Variants in CRISP1 observed in about 807,000 individuals in gnomAD.
CRISP1 encodes cysteine rich secretory protein 1.
CRISP1 carries 44 observed loss-of-function variants against 33.1 expected under a neutral mutation model. The observed-to-expected ratio is 1.33, with a 90% CI of 1.05 to 1.71. CRISP1 has a LOEUF of 1.71. Among genes scored for constraint, CRISP1 ranks in the 40% most tolerant of loss-of-function variants. CRISP1 has a pLI of 0.00. For synonymous variants in CRISP1, 103 were observed against 98.7 expected, an observed-to-expected ratio of 1.04 and a Z score of -0.26; for missense variants, 390 against 301.2, an observed-to-expected ratio of 1.29 and a Z score of -2.18.
chr6:49,841,145 C>T, intron 5 of CRISP1, 150 bp from the exon 6 acceptor site: 1 of 653,344 alleles, frequency 1.5e-6, no homozygotes, highest in East Asian at 2.7e-5. Context: ...AACAAAAGGA[C>T]TCCCACGTGT....
At position 49,835,194 on chromosome 6, in the gene CRISP1, C is replaced by G. The variant is rs750793598; in HGVS notation, c.*122G>C. 2.8e-6 allele frequency: 3 copies of G among 1,086,672 alleles called. No individual in the cohort carries two copies. Among genetic ancestry groups the G allele is most frequent in the Non-Finnish European group, 3.9e-6 (3 of 760,068 alleles). The allele number at this position is 1,086,672 out of a possible 1,614,324, so 67.3% of individuals were successfully genotyped here. A position where few individuals can be genotyped will look rare whatever the true frequency, so the allele number is the denominator to read the frequency against. Reference sequence around the variant, plus strand: ...GATGTATCAGGATGGGAGTTAAGGTCTCCAGCATGATTAAAATCAGTGAAA... The same window carrying G: ...GATGTATCAGGATGGGAGTTAAGGTGTCCAGCATGATTAAAATCAGTGAAA... On this transcript the variant is annotated 3_prime_UTR_variant, in exon 8 of 8. Transcript: ENST00000335847.
intron 1 of CRISP1, among the ~76,000 whole-genome samples, chr6:49,873,864 G>T (rs1771977554): frequency 6.6e-6 from 1 of 152,014 alleles, no homozygotes; most frequent in African/African-American, 2.4e-5. Flanking sequence ...CAGTGAATCA[G>T]AACCATAAAG....
Position 49,847,329 on chromosome 6 carries a change from G to C in CRISP1, c.287-661C>G, listed in dbSNP as rs760864117. 2.0e-5 allele frequency among the ~76,000 whole-genome samples: 3 copies of C among 152,272 alleles called. No individual in the cohort carries two copies. In the South Asian group the frequency reaches 6.2e-4, roughly 32 times the overall value. On this transcript the variant is annotated intron_variant, in intron 4 of 7. Transcript: ENST00000335847. ...AATCTCATGTTGAGATGTAATCCCC[G>C]TGTTGAAGGTGGGGCCTGACCGGAG...
upstream of CRISP1, among the ~76,000 whole-genome samples, chr6:49,868,406 TATCCC>T (rs1408469490): frequency 6.6e-6 from 1 of 152,176 alleles, no homozygotes; most frequent in Non-Finnish European, 1.5e-5. Context: ...CTAACTGGAT[TATCCC>T]AGAAAAATCT....
intron 2 of CRISP1, among the ~76,000 whole-genome samples, chr6:49,855,413 T>C (rs1314946125): frequency 1.3e-5 from 2 of 152,104 alleles, no homozygotes. Flanking sequence ...ATTCTCAGCC[T>C]CTATTTAGGA....
rs1770729265 is a variant in CRISP1 at position 49,834,814 on chromosome 6, C to T, written c.*502G>A. 6.6e-6 allele frequency: 1 copy of T among 152,290 alleles called. No individual in the cohort carries two copies. Among genetic ancestry groups the T allele is most frequent in the African/African-American group, 2.4e-5 (1 of 41,444 alleles). 9.4% of individuals were successfully genotyped at this position (152,290 alleles called of 1,614,324 possible). Reference sequence around the variant, plus strand: ...ATAAAACAATGAGACATTTAAACTACTTCCAATTAAATGATATTTACCTTG... The same window carrying T: ...ATAAAACAATGAGACATTTAAACTATTTCCAATTAAATGATATTTACCTTG... On this transcript the variant is annotated 3_prime_UTR_variant, in exon 8 of 8. Coordinates refer to ENST00000335847, the MANE Select transcript of CRISP1 (RefSeq NM_001131.3).
At chr6:49,874,402 C>A (rs763821904) in intron 1 of CRISP1, among the ~76,000 whole-genome samples, 1 of 152,000 alleles carries the variant, frequency 6.6e-6, no homozygotes, top group Non-Finnish European at 1.5e-5. Context: ...CAGAGAAGTT[C>A]AAATCATAAC....
chr6:49,853,743 T>C (rs1771417969), intron 2 of CRISP1, among the ~76,000 whole-genome samples: 1 of 152,146 alleles, frequency 6.6e-6, no homozygotes, highest in Admixed American at 6.5e-5. Context: ...CTATCTGTGT[T>C]CTCTACTTTC....
chr6:49,855,218 T>C (rs1450308560), intron 2 of CRISP1, among the ~76,000 whole-genome samples: 1 of 152,160 alleles, frequency 6.6e-6, no homozygotes, highest in Non-Finnish European at 1.5e-5. Context: ...TGCTTTACTA[T>C]GTCTATAGCC....
chr6:49,874,222 A>G (rs182042803), intron 1 of CRISP1, among the ~76,000 whole-genome samples: 2 of 152,212 alleles, frequency 1.3e-5, no homozygotes, highest in Admixed American at 6.6e-5. Context: ...TAGCTATTGA[A>G]TAGTAAATAT....
intron 5 of CRISP1, among the ~76,000 whole-genome samples, chr6:49,843,728 G>A (rs1370458319): frequency 6.6e-6 from 1 of 152,140 alleles, no homozygotes; most frequent in East Asian, 1.9e-4. Flanking sequence ...ATTGGATAAT[G>A]GGTAGAGACT....
intron 1 of CRISP1, among the ~76,000 whole-genome samples, chr6:49,861,888 A>T (rs1303515291): frequency 1.3e-5 from 2 of 152,180 alleles, no homozygotes; most frequent in Admixed American, 6.6e-5. Flanking sequence ...CCATAAAAAA[A>T]AAAATAACAT....
intron 1 of CRISP1, among the ~76,000 whole-genome samples, chr6:49,860,770 C>A (rs913709723): frequency 1.3e-5 from 2 of 151,758 alleles, no homozygotes; most frequent in Non-Finnish European, 2.9e-5. Context: ...AAGTTTAGAG[C>A]AGAACTAGAC....
rs575309742 is a variant in CRISP1, at chr6:49,854,264, T to G, written c.67-2135A>C. On this transcript the variant is annotated intron_variant, in intron 2 of 7. Transcript: ENST00000335847. ...CAACAGTGTTATTTAGTCCATTCTC[T>G]TCTACCATTCCCCCAAATCTTACAT... Among the ~76,000 whole-genome samples, 22 of 152,328 alleles carry G rather than the reference T, an allele frequency of 1.4e-4. 1 individual carries two copies. Among genetic ancestry groups the G allele is most frequent in the Admixed American group, 8.5e-4 (13 of 15,294 alleles).
intron 4 of CRISP1, among the ~76,000 whole-genome samples, chr6:49,847,361 A>G (rs539346972): frequency 6.6e-6 from 1 of 152,246 alleles, no homozygotes; most frequent in Admixed American, 6.5e-5. Context: ...GGAGACGTTT[A>G]CCTCACGGTA....
chr6:49,863,307 T>G (rs1771704240), intron 1 of CRISP1, among the ~76,000 whole-genome samples: 1 of 152,142 alleles, frequency 6.6e-6, no homozygotes. Flanking sequence ...ATAGGATAAA[T>G]TATTCTCTAC....
Position 49,835,145 on chromosome 6 carries a change from A to C in CRISP1, c.*171T>G, listed in dbSNP as rs186341853. 11 of 589,484 alleles carry C rather than the reference A, an allele frequency of 1.9e-5. No individual in the cohort carries two copies. Among genetic ancestry groups the C allele is most frequent in the Admixed American group, 9.3e-5 (3 of 32,228 alleles). The allele number at this position is 589,484 out of a possible 1,614,324, so 36.5% of individuals were successfully genotyped here. ...TTGACCTTTTACTCCAGCACTAAGAAAGTTTAAAACAGTGTTACTTCAGGA... is the reference window on the plus strand; with the variant it reads ...TTGACCTTTTACTCCAGCACTAAGACAGTTTAAAACAGTGTTACTTCAGGA... On this transcript the variant is annotated 3_prime_UTR_variant, in exon 8 of 8. Transcript: ENST00000335847.
chr6:49,858,719 C>A (rs1386979693), intron 1 of CRISP1, among the ~76,000 whole-genome samples: 1 of 152,066 alleles, frequency 6.6e-6, no homozygotes, highest in Non-Finnish European at 1.5e-5. Flanking sequence ...ATGTCCCTTT[C>A]TCTTTCTAAT....
At chr6:49,871,083 A>G (rs191378099), upstream of CRISP1, among the ~76,000 whole-genome samples, 974 of 151,652 alleles carry the variant, frequency 6.4e-3, 12 homozygotes, top group African/African-American at 0.021. Context: ...AGCCTGGGGG[A>G]TAAGAGGGAA....
Sources: allele counts gnomAD v4.1 joint callset (sites outside exome capture counted in the v4.1 genomes callset), GRCh38; gene constraint gnomAD v4.1.1; transcripts MANE v1.5; gene names NCBI Gene and HGNC (gene_info 2026-07-23, HGNC 2026-07-21).